Variants in NKAIN2 observed in about 807,000 individuals in gnomAD.
The protein encoded by NKAIN2 is sodium/potassium transporting ATPase interacting 2, also known as sodium/potassium-transporting ATPase subunit beta-1-interacting protein 2.
In NKAIN2, 14 loss-of-function variants were observed where a neutral mutation model predicts 32.6. The observed-to-expected ratio is 0.43, with a 90% confidence interval of 0.28 to 0.67. The LOEUF is 0.67. Ranked by LOEUF, NKAIN2 falls within the 30% of genes least tolerant of loss-of-function variation. The probability of loss-of-function intolerance (pLI) is 0.17; values close to 1 mark genes in which losing one functional copy is unlikely to be tolerated. For missense variants in NKAIN2, 198 were observed against 258.3 expected (o/e 0.77, Z 1.60); for synonymous variants, 80 against 87.2 (o/e 0.92, Z 0.46).
chr6:124,267,494 A>C (rs1794555267), intron 1 of NKAIN2, among the ~76,000 whole-genome samples: 1 of 151,818 alleles, frequency 6.6e-6, no homozygotes. Context: ...AAAAAAAAAA[A>C]AAAAAAAAGA....
intron 1 of NKAIN2, among the ~76,000 whole-genome samples, chr6:123,998,501 T>C (rs1021004617): frequency 1.3e-5 from 2 of 151,986 alleles, no homozygotes; most frequent in African/African-American, 2.4e-5. Context: ...ACCTGAAAAA[T>C]GTAAGCTTCT....
chr6:124,122,171 C>A (rs1028012882), intron 1 of NKAIN2, among the ~76,000 whole-genome samples: 1 of 151,838 alleles, frequency 6.6e-6, no homozygotes, highest in African/African-American at 2.4e-5. Context: ...TTAAAGTCAC[C>A]CATAATAGCC....
At chr6:124,579,045 C>A (rs559388386) in intron 3 of NKAIN2, among the ~76,000 whole-genome samples, 1 of 152,280 alleles carries the variant, frequency 6.6e-6, no homozygotes, top group East Asian at 1.9e-4. Context: ...TTGGGGTACT[C>A]CCTAATGCAA....
At chr6:124,512,593 G>A (rs890720779) in intron 3 of NKAIN2, among the ~76,000 whole-genome samples, 4 of 152,142 alleles carry the variant, frequency 2.6e-5, no homozygotes, top group African/African-American at 9.7e-5. Flanking sequence ...ACTAACAGGT[G>A]CAGGACTCAA....
intron 4 of NKAIN2, among the ~76,000 whole-genome samples, chr6:124,668,001 T>C (rs1399973276): frequency 6.6e-6 from 1 of 152,114 alleles, no homozygotes; most frequent in Non-Finnish European, 1.5e-5. Flanking sequence ...ATTATTCTCT[T>C]GCCTTTTCCT....
At chr6:124,059,565 A>G (rs1782827729) in intron 1 of NKAIN2, among the ~76,000 whole-genome samples, 1 of 152,176 alleles carries the variant, frequency 6.6e-6, no homozygotes, top group African/African-American at 2.4e-5. Context: ...TTTTGTGTGC[A>G]TAGTGCCTAC....
chr6:124,122,407 G>A (rs1042370834), intron 1 of NKAIN2, among the ~76,000 whole-genome samples: 7 of 152,004 alleles, frequency 4.6e-5, no homozygotes, highest in African/African-American at 1.7e-4. Context: ...ATACAAGTTA[G>A]ACTCAAATTA....
chr6:124,472,304 A>C (rs1777006847), intron 3 of NKAIN2, among the ~76,000 whole-genome samples: 2 of 152,212 alleles, frequency 1.3e-5, no homozygotes, highest in African/African-American at 4.8e-5. Flanking sequence ...AATAAGGTGC[A>C]GTGGTCATAT....
chr6:124,444,597 AT>A (rs1775815766), intron 3 of NKAIN2, among the ~76,000 whole-genome samples: 1 of 152,066 alleles, frequency 6.6e-6, no homozygotes, highest in African/African-American at 2.4e-5. Flanking sequence ...AATTTTACAT[AT>A]TCTCAACTAC....
intron 1 of NKAIN2, among the ~76,000 whole-genome samples, chr6:124,161,723 T>C (rs1327479866): frequency 1.3e-5 from 2 of 152,040 alleles, no homozygotes; most frequent in African/African-American, 4.8e-5. Context: ...TGTTCTCACT[T>C]ATAAGTGGGA....
At chr6:123,968,752 CCT>C (rs1414042816) in intron 1 of NKAIN2, among the ~76,000 whole-genome samples, 2 of 152,270 alleles carry the variant, frequency 1.3e-5, no homozygotes, top group South Asian at 2.1e-4. Context: ...CTGGAATGCC[CCT>C]GTTAGCCTTA....
chr6:124,074,053 T>C lies in NKAIN2; in HGVS notation c.55-208952T>C, dbSNP rs1783581710. Among the ~76,000 whole-genome samples the C allele has an allele frequency of 2.0e-5, 3 of 151,988 alleles. No homozygotes were observed. In the South Asian group the frequency reaches 6.2e-4, roughly 32 times the overall value. ...TACAGTGAAATGATGCAAGGCAAAA[T>C]CAGAAAAGGTAAAAGGTTCATGGGG... On this transcript the variant is annotated intron_variant, in intron 1 of 6. Coordinates refer to ENST00000368417, the MANE Select transcript of NKAIN2 (RefSeq NM_001040214.3).
chr6:123,932,630 G>C (rs920263097), intron 1 of NKAIN2, among the ~76,000 whole-genome samples: 2 of 151,806 alleles, frequency 1.3e-5, no homozygotes, highest in African/African-American at 4.8e-5. Flanking sequence ...TGTTAGCCAG[G>C]ATGGTCCCGA....
intron 1 of NKAIN2, among the ~76,000 whole-genome samples, chr6:123,940,725 G>A (rs1776775916): frequency 6.6e-6 from 1 of 151,998 alleles, no homozygotes; most frequent in Admixed American, 6.6e-5. Flanking sequence ...GAGCTTGTAG[G>A]ACTGGACGTT....
chr6:124,143,741 A>G (rs1787254898), intron 1 of NKAIN2, among the ~76,000 whole-genome samples: 2 of 152,156 alleles, frequency 1.3e-5, no homozygotes, highest in Admixed American at 6.5e-5. Context: ...AGGAAATAAA[A>G]CTGATTTTTT....
intron 4 of NKAIN2, among the ~76,000 whole-genome samples, chr6:124,749,012 C>T (rs1486979942): frequency 6.6e-6 from 1 of 151,902 alleles, no homozygotes; most frequent in Non-Finnish European, 1.5e-5. Flanking sequence ...ACAGTGTTAG[C>T]AGGGCTGCAT....
intron 3 of NKAIN2, among the ~76,000 whole-genome samples, chr6:124,550,434 C>T (rs1227242358): frequency 6.6e-6 from 1 of 151,944 alleles, no homozygotes; most frequent in Non-Finnish European, 1.5e-5. Context: ...CTTTCTGGCA[C>T]CACAGATGCT....
At chr6:124,338,600 CTAAATT>C (rs1348366646) in intron 2 of NKAIN2, among the ~76,000 whole-genome samples, 1 of 152,036 alleles carries the variant, frequency 6.6e-6, no homozygotes, top group Admixed American at 6.6e-5. Context: ...ATTCAGAACT[CTAAATT>C]TATTTATTTC....
intron 1 of NKAIN2, among the ~76,000 whole-genome samples, chr6:123,938,422 A>ATT (rs1562267259): frequency 1.1e-4 from 5 of 43,882 alleles, no homozygotes; most frequent in African/African-American, 5.7e-4. Context: ...ATATATATAT[A>ATT]TATATATATA....
Sources: allele counts gnomAD v4.1 joint callset (sites outside exome capture counted in the v4.1 genomes callset), GRCh38; gene constraint gnomAD v4.1.1; transcripts MANE v1.5; gene names NCBI Gene and HGNC (gene_info 2026-07-23, HGNC 2026-07-21).